Variants in ZNF536 observed in about 807,000 individuals in gnomAD.
ZNF536 encodes the protein zinc finger protein 536.
Under a neutral mutation model 84.5 loss-of-function variants are expected in ZNF536, and 13 were observed. The observed-to-expected ratio is 0.15, with a 90% CI of 0.10 to 0.24. The LOEUF (loss-of-function observed/expected upper bound fraction) is 0.24. ZNF536 is among the 10% of genes least tolerant of loss of function. The pLI is 1.00. For missense variants in ZNF536, 1,536 were observed against 1,747.5 expected, an observed-to-expected ratio of 0.88 and a Z score of 2.16; for synonymous variants, 811 against 742.5, an observed-to-expected ratio of 1.09 and a Z score of -1.50.
At chr19:30,265,299 AC>A (rs1317089632) in intron 1 of ZNF536, among the ~76,000 whole-genome samples, 1 of 152,096 alleles carries the variant, frequency 6.6e-6, no homozygotes, top group Non-Finnish European at 1.5e-5. Context: ...GCCCTCTTCA[AC>A]TTTGCTGGTT....
chr19:30,403,643 C>T (rs1443394399), intron 1 of ZNF536, among the ~76,000 whole-genome samples: 2 of 152,192 alleles, frequency 1.3e-5, no homozygotes, highest in African/African-American at 4.8e-5. Flanking sequence ...TGCATACCTC[C>T]TGCAAACTTG....
At chr19:30,585,134 A>T (rs1200092937) in intron 1 of ZNF536, among the ~76,000 whole-genome samples, 1 of 152,036 alleles carries the variant, frequency 6.6e-6, no homozygotes, top group Admixed American at 6.5e-5. Flanking sequence ...AAAGAAAAAG[A>T]AAAAGAAGAA....
Position 30,482,089 on chromosome 19 carries a change from T to G in ZNF536, c.2170+36357T>G, listed in dbSNP as rs187477805. ...TCAGTGGGTACTTAGGTTGATTCCA[T>G]ATCTTTGCAATTGCAAATTGTGCTG... is the stretch of plus-strand genomic sequence containing the variant. On this transcript the variant is annotated intron_variant, in intron 2 of 4. Transcript: ENST00000355537. Among the ~76,000 whole-genome samples the G allele has an allele frequency of 3.4e-4, 52 of 152,340 alleles. 1 individual carries two copies. The East Asian group carries it at 6.5e-3, about 19-fold the overall frequency.
rs547853073 is a variant in ZNF536 at position 30,396,634 on chromosome 19, G to A, written c.-3+24078G>A. Among the ~76,000 whole-genome samples the A allele has an allele frequency of 1.7e-4, 21 of 125,062 alleles. No homozygotes were observed. The East Asian group carries it at 2.5e-3, about 15-fold the overall frequency. 82.0% of individuals were successfully genotyped at this position (125,062 alleles called of 152,430 possible). Reference sequence around the variant, plus strand: ...TTTTGAGACAAAGTCTCTCTCTGTCGCCCAGGCTGGAGTGCCACTGTAGTG... The same window carrying A: ...TTTTGAGACAAAGTCTCTCTCTGTCACCCAGGCTGGAGTGCCACTGTAGTG... On this transcript the variant is annotated intron_variant, in intron 1 of 4. Coordinates refer to ENST00000355537, the MANE Select transcript of ZNF536 (RefSeq NM_014717.3).
At chr19:30,700,357 T>C (rs1247945282) in intron 1 of ZNF536, among the ~76,000 whole-genome samples, 1 of 143,656 alleles carries the variant, frequency 7.0e-6, no homozygotes, top group African/African-American at 2.6e-5. Flanking sequence ...CCTCCTTCCT[T>C]CCTTCCTTCC....
chr19:30,294,473 G>A (rs2045935425), intron 2 of ZNF536, among the ~76,000 whole-genome samples: 1 of 151,776 alleles, frequency 6.6e-6, no homozygotes, highest in Non-Finnish European at 1.5e-5. Flanking sequence ...AGACAATATT[G>A]ACAGTTAAAA....
intron 1 of ZNF536, among the ~76,000 whole-genome samples, chr19:30,439,498 C>G (rs1264536063): frequency 6.6e-6 from 1 of 152,212 alleles, no homozygotes; most frequent in Non-Finnish European, 1.5e-5. Flanking sequence ...GCAGAGACAG[C>G]ACACCAATTA....
intron 1 of ZNF536, among the ~76,000 whole-genome samples, chr19:30,251,532 G>A (rs755270588): frequency 6.6e-5 from 10 of 152,138 alleles, no homozygotes; most frequent in Non-Finnish European, 1.0e-4. Flanking sequence ...TCAAGGCATC[G>A]TGTGGCCTTG....
At chr19:30,274,632 G>A (rs180982750) in intron 1 of ZNF536, among the ~76,000 whole-genome samples, 1 of 152,140 alleles carries the variant, frequency 6.6e-6, no homozygotes, top group Non-Finnish European at 1.5e-5. Flanking sequence ...TTAGGTTCAA[G>A]GGGGTACATG....
intron 2 of ZNF536, among the ~76,000 whole-genome samples, chr19:30,298,125 G>A (rs912770286): frequency 7.2e-5 from 11 of 152,084 alleles, no homozygotes; most frequent in African/African-American, 1.2e-4. Context: ...TGATCAGCCC[G>A]TCTTGGCCTC....
At chr19:30,442,756 G>A (rs555515327) in intron 1 of ZNF536, among the ~76,000 whole-genome samples, 2 of 152,246 alleles carry the variant, frequency 1.3e-5, no homozygotes, top group Non-Finnish European at 2.9e-5. Flanking sequence ...AATCTCTGAG[G>A]TTTGCAAAGC....
At chr19:30,293,064 G>A (rs773006547) in intron 2 of ZNF536, among the ~76,000 whole-genome samples, 5 of 152,084 alleles carry the variant, frequency 3.3e-5, no homozygotes, top group African/African-American at 1.2e-4. Flanking sequence ...GGGGTGAATC[G>A]TAGTGTAGAT....
chr19:30,252,852 C>T (rs755838810), intron 1 of ZNF536, among the ~76,000 whole-genome samples: 2 of 152,214 alleles, frequency 1.3e-5, no homozygotes, highest in Non-Finnish European at 2.9e-5. Context: ...GGATTCCCCA[C>T]TGTAGGAATA....
At position 30,385,771 on chromosome 19, in the gene ZNF536, G is replaced by A. The variant is rs530730461; in HGVS notation, c.-3+13215G>A. ...GATGGTTTACCCCAGGTGCAACTCC[G>A]CCTCCATCATGAATCTCCTGTCTTC... On this transcript the variant is annotated intron_variant, in intron 1 of 4. Coordinates refer to ENST00000355537, the MANE Select transcript of ZNF536 (RefSeq NM_014717.3). Among the ~76,000 whole-genome samples, 285 of 152,052 alleles carry A rather than the reference G, an allele frequency of 1.9e-3. 1 individual carries two copies. Among genetic ancestry groups the A allele is most frequent in the Non-Finnish European group, 3.6e-3 (248 of 68,022 alleles).
chr19:30,511,928 A>G (rs2055429147), intron 2 of ZNF536, among the ~76,000 whole-genome samples: 1 of 152,206 alleles, frequency 6.6e-6, no homozygotes, highest in South Asian at 2.1e-4. Context: ...ACATAGATTT[A>G]TAAAGGAAAT....
chr19:30,351,821 A>G (rs1346997649), intron 2 of ZNF536, among the ~76,000 whole-genome samples: 3 of 152,338 alleles, frequency 2.0e-5, no homozygotes, highest in East Asian at 3.9e-4. Flanking sequence ...CTCTTGGTAA[A>G]TGGTAAGTTT....
At chr19:30,692,734 T>G (rs755674727) in intron 1 of ZNF536, among the ~76,000 whole-genome samples, 1 of 151,966 alleles carries the variant, frequency 6.6e-6, no homozygotes, top group Non-Finnish European at 1.5e-5. Flanking sequence ...CTTACAAGAT[T>G]TAAAGGGGAG....
chr19:30,304,873 G>C (rs907776519), intron 2 of ZNF536, among the ~76,000 whole-genome samples: 23 of 152,216 alleles, frequency 1.5e-4, no homozygotes, highest in African/African-American at 5.3e-4. Context: ...GATTGGGCTG[G>C]AGAGAAGTTC....
chr19:30,367,750 G>A (rs1017141300), upstream of ZNF536, among the ~76,000 whole-genome samples: 8 of 152,250 alleles, frequency 5.3e-5, no homozygotes, highest in Admixed American at 1.3e-4. Context: ...AGGGGCGAGC[G>A]CTCTCTGATC....
Sources: allele counts gnomAD v4.1 joint callset (sites outside exome capture counted in the v4.1 genomes callset), GRCh38; gene constraint gnomAD v4.1.1; transcripts MANE v1.5; gene names NCBI Gene and HGNC (gene_info 2026-07-23, HGNC 2026-07-21).